ANXA3: variants seen among roughly 807,000 people sequenced by gnomAD.
ANXA3 encodes the protein 35-alpha calcimedin.
Under a neutral mutation model 48.8 loss-of-function variants are expected in ANXA3, and 46 were observed. That is an observed-to-expected ratio of 0.94 (90% CI 0.74 to 1.21). ANXA3 has a LOEUF of 1.21. Ranked by LOEUF, ANXA3 falls within the 50% of genes most tolerant of loss-of-function variation. The pLI is 0.00. For synonymous variants in ANXA3, 128 were observed against 134.7 expected (o/e 0.95, Z 0.35); for missense variants, 383 against 378.6 (o/e 1.01, Z -0.10).
intron 2 of ANXA3, 34 bp downstream of exon 2, chr4:78,554,522 C>G: frequency 2.5e-6 from 4 of 1,604,744 alleles, no homozygotes; most frequent in Non-Finnish European, 3.4e-6. Context: ...AACACAGTAA[C>G]ATATATGAGT....
At chr4:78,576,975 G>C (rs773424836) in intron 3 of ANXA3, among the ~76,000 whole-genome samples, 2 of 152,116 alleles carry the variant, frequency 1.3e-5, no homozygotes, top group Admixed American at 6.6e-5. Flanking sequence ...GATGCAGAGA[G>C]GGGGTAGAAA....
intron 3 of ANXA3, among the ~76,000 whole-genome samples, chr4:78,573,899 T>C (rs1277757270): frequency 6.6e-6 from 1 of 152,186 alleles, no homozygotes; most frequent in African/African-American, 2.4e-5. Flanking sequence ...TCCAGCGCCA[T>C]GTTGGGTCCA....
At chr4:78,608,552 A>G (rs770268917) in intron 12 of ANXA3, among the ~76,000 whole-genome samples, 1 of 152,206 alleles carries the variant, frequency 6.6e-6, no homozygotes, top group Non-Finnish European at 1.5e-5. Context: ...AGATCTTCTT[A>G]TTCTGGAGAA....
intron 7 of ANXA3, among the ~76,000 whole-genome samples, chr4:78,591,834 A>G (rs1723303682): frequency 6.6e-6 from 1 of 152,192 alleles, no homozygotes; most frequent in African/African-American, 2.4e-5. Context: ...AACAAAGAAA[A>G]CTTATTTGAG....
At chr4:78,605,732 A>G (rs1432149933) in intron 12 of ANXA3, among the ~76,000 whole-genome samples, 5 of 152,190 alleles carry the variant, frequency 3.3e-5, no homozygotes, top group Admixed American at 2.0e-4. Flanking sequence ...ACCCATTTTC[A>G]TTGTTTTCAG....
Position 78,601,585 on chromosome 4 carries a change from C to A in ANXA3, c.789+17C>A. The stretch of plus-strand genomic sequence containing the variant: ...GCCTTGAAGGTTGGTCTGGAAAGTT[C>A]ATGTGCATTCTTAGCGTCCCTTAAT... On this transcript the variant is annotated intron_variant, in intron 11 of 12. Coordinates refer to ENST00000264908, the MANE Select transcript of ANXA3 (RefSeq NM_005139.3). 6.2e-7 allele frequency: 1 copy of A among 1,611,392 alleles called. No homozygotes were observed. The highest frequency in any genetic ancestry group is 8.5e-7 in the Non-Finnish European group (1 of 1,177,694).
rs529140581 is a variant in ANXA3 at position 78,583,759 on chromosome 4, A to C, written c.312+1469A>C. On this transcript the variant is annotated intron_variant, in intron 5 of 12. Transcript: ENST00000264908. ...TGGGCACAAGCTGAAGCTGCTGTCC[A>C]CAGAAAGAATCTTCTAAACAGAAGC... 6.6e-5 allele frequency among the ~76,000 whole-genome samples: 10 copies of C among 152,374 alleles called. No individual in the cohort carries two copies. In the South Asian group the frequency reaches 2.1e-3, roughly 32 times the overall value.
chr4:78,596,681 A>G (rs1012817574), intron 9 of ANXA3, among the ~76,000 whole-genome samples: 1 of 152,172 alleles, frequency 6.6e-6, no homozygotes, highest in African/African-American at 2.4e-5. Context: ...TGCTTTATTC[A>G]TGTCTTTGTT....
chr4:78,606,673 C>A (rs1007577098), intron 12 of ANXA3, among the ~76,000 whole-genome samples: 1 of 147,962 alleles, frequency 6.8e-6, no homozygotes, highest in Non-Finnish European at 1.5e-5. Context: ...TACAAATGGC[C>A]TTTGAATGAA....
At position 78,604,131 on chromosome 4, in the gene ANXA3, A is replaced by G. The variant is rs562940541; in HGVS notation, c.790-146A>G. On this transcript the variant is annotated intron_variant, in intron 11 of 12. Coordinates refer to ENST00000264908, the MANE Select transcript of ANXA3 (RefSeq NM_005139.3). ...GTGCTCAACAAATATTTCTTGAATA[A>G]TGAATGATGAGTTTGATAATAAATG... 147 of 724,618 alleles carry G rather than the reference A, an allele frequency of 2.0e-4. No individual in the cohort carries two copies. The African/African-American group carries it at 2.4e-3, about 12-fold the overall frequency. The allele number at this position is 724,618 out of a possible 1,614,324, so 44.9% of individuals were successfully genotyped here. A position where few individuals can be genotyped will look rare whatever the true frequency, so the allele number is the denominator to read the frequency against.
At position 78,570,639 on chromosome 4, in the gene ANXA3, G is replaced by A. The variant is rs79685172; in HGVS notation, c.16-2541G>A. ...ATAGTCTAGTTTGCTTTTAAATTCA[G>A]CCTCTGCCTGCAACTAGCTGTGTAG... On this transcript the variant is annotated intron_variant, in intron 2 of 12. Coordinates refer to ENST00000264908, the MANE Select transcript of ANXA3 (RefSeq NM_005139.3). Among the ~76,000 whole-genome samples the A allele has an allele frequency of 9.7e-4, 148 of 152,318 alleles. 1 individual carries two copies. Among genetic ancestry groups the A allele is most frequent in the African/African-American group, 3.3e-3 (138 of 41,560 alleles).
rs763505215 is a variant in ANXA3, at chr4:78,582,223, A to G, written c.245A>G (p.His82Arg). The G allele has an allele frequency of 6.2e-7, 1 of 1,613,786 alleles. No homozygotes were observed. The highest frequency in any genetic ancestry group is 8.5e-7 in the Non-Finnish European group (1 of 1,179,706). The change falls in exon 5 of 13, where the codon CAT (histidine) becomes CGT (arginine). Residue 82 changes from histidine to arginine, a missense_variant. Physicochemically the swap from His to Arg is conservative, Grantham distance 29. Transcript: ENST00000264908. The stretch of plus-strand genomic sequence containing the variant: ...GGTGATCTCTCTGGCCACTTTGAGC[A>G]TCTCATGGTGGCCCTAGTGACTCCA... ...LKGDLSGHFE[H>R]LMVALVTPPA...
chr4:78,588,445 A>G (rs1312240155), intron 6 of ANXA3, among the ~76,000 whole-genome samples: 1 of 152,210 alleles, frequency 6.6e-6, no homozygotes, highest in East Asian at 1.9e-4. Context: ...AAAAGCAAAA[A>G]GGGAACAAAA....
chr4:78,575,722 G>A (rs1397319540), intron 3 of ANXA3, among the ~76,000 whole-genome samples: 1 of 152,140 alleles, frequency 6.6e-6, no homozygotes, highest in Non-Finnish European at 1.5e-5. Flanking sequence ...TTGCATAGAA[G>A]TTTTAAATTT....
intron 2 of ANXA3, among the ~76,000 whole-genome samples, chr4:78,558,799 C>T (rs962125927): frequency 3.9e-5 from 6 of 152,194 alleles, no homozygotes; most frequent in African/African-American, 1.4e-4. Flanking sequence ...ACTCCTTGGA[C>T]TTAGAGTCCC....
At chr4:78,601,189 G>T (rs1723527400) in intron 10 of ANXA3, among the ~76,000 whole-genome samples, 3 of 152,224 alleles carry the variant, frequency 2.0e-5, no homozygotes, top group Admixed American at 2.0e-4. Context: ...ACCCTAGGGA[G>T]TTATCAGGGA....
chr4:78,561,430 T>C, intron 2 of ANXA3, among the ~76,000 whole-genome samples: 1 of 152,148 alleles, frequency 6.6e-6, no homozygotes, highest in East Asian at 1.9e-4. Context: ...TTCTGTCCCA[T>C]AGAAGACACC....
intron 2 of ANXA3, among the ~76,000 whole-genome samples, chr4:78,567,234 T>C (rs1722750569): frequency 6.6e-6 from 1 of 152,238 alleles, no homozygotes; most frequent in Non-Finnish European, 1.5e-5. Context: ...TGTAATAAAG[T>C]ACCACAAGCT....
chr4:78,559,148 C>A (rs760411382), intron 2 of ANXA3, among the ~76,000 whole-genome samples: 5 of 152,030 alleles, frequency 3.3e-5, no homozygotes, highest in Non-Finnish European at 7.4e-5. Context: ...GGTGCAATCA[C>A]GGCTTGCTGC....
Sources: gnomAD v4.1 joint callset for allele counts (sites outside exome capture counted in the v4.1 genomes callset) on GRCh38, gnomAD v4.1.1 for gene constraint, MANE v1.5 for transcripts, NCBI Gene and HGNC (gene_info 2026-07-23, HGNC 2026-07-21) for gene names.